The following INPP5F variants were observed in gnomAD, a reference collection of about 807,000 sequenced individuals.
INPP5F encodes the protein phosphatidylinositide 4-phosphatase SAC2.
A neutral mutation model predicts 137.2 loss-of-function variants in INPP5F; 97 were observed. The ratio of observed to expected loss-of-function variants is 0.71; its 90% CI spans 0.60 to 0.84. The LOEUF is 0.84. Ranked by LOEUF, INPP5F falls within the 40% of genes least tolerant of loss-of-function variation. The probability of loss-of-function intolerance (pLI) is 0.00; values close to 1 mark genes in which losing one functional copy is unlikely to be tolerated. For missense variants in INPP5F, 1,271 were observed against 1,371.9 expected (o/e 0.93, Z 1.16); for synonymous variants, 504 against 476.9 (o/e 1.06, Z -0.74).
At chr10:119,771,866 AT>A (rs1849354128) in intron 2 of INPP5F, among the ~76,000 whole-genome samples, 1 of 16,616 alleles carries the variant, frequency 6.0e-5, no homozygotes, top group Non-Finnish European at 1.1e-4. Context: ...ATATATATAT[AT>A]ATATATATAT....
intron 9 of INPP5F, chr10:119,799,384 G>GA (rs1589729293): frequency 7.8e-6 from 3 of 387,002 alleles, no homozygotes; most frequent in Non-Finnish European, 1.5e-5. Flanking sequence ...GGAAAAAAAA[G>GA]AAAAAAACTA....
chr10:119,823,754 A>G lies in INPP5F; in HGVS notation c.2162-61A>G, dbSNP rs1186614696. 1.4e-5 allele frequency: 18 copies of G among 1,281,524 alleles called. No individual in the cohort carries two copies. In the Admixed American group the frequency reaches 2.9e-4, roughly 21 times the overall value. 79.4% of individuals were successfully genotyped at this position (1,281,524 alleles called of 1,614,324 possible). The stretch of plus-strand genomic sequence containing the variant: ...TTCATTCAGCGCTAAATGGGTTAGA[A>G]CTGCTATTTTTTTTAGTATGTTTAT... On this transcript the variant is annotated intron_variant, in intron 18 of 19. Coordinates refer to ENST00000650623, the MANE Select transcript of INPP5F (RefSeq NM_014937.4).
At chr10:119,762,850 A>G (rs780056271) in intron 2 of INPP5F, among the ~76,000 whole-genome samples, 5 of 152,196 alleles carry the variant, frequency 3.3e-5, no homozygotes, top group African/African-American at 7.2e-5. Context: ...CCCTAAATGT[A>G]TGCTCTTCTC....
intron 2 of INPP5F, among the ~76,000 whole-genome samples, chr10:119,776,338 T>TA (rs530528554): frequency 2.4e-4 from 14 of 58,176 alleles, no homozygotes; most frequent in African/African-American, 8.7e-4. Context: ...TAGTTAACTC[T>TA]AAAAAAATGT....
At chr10:119,818,011 C>T (rs780480934) in intron 15 of INPP5F, among the ~76,000 whole-genome samples, 1 of 152,242 alleles carries the variant, frequency 6.6e-6, no homozygotes, top group Non-Finnish European at 1.5e-5. Flanking sequence ...GGAAGTAGGC[C>T]TGGCTGCGGG....
intron 2 of INPP5F, among the ~76,000 whole-genome samples, chr10:119,778,488 T>C (rs1849598823): frequency 6.6e-6 from 1 of 152,168 alleles, no homozygotes; most frequent in South Asian, 2.1e-4. Context: ...TAGACTATTT[T>C]TTGTTTAATT....
At chr10:119,802,484 A>T (rs1850627473) in intron 9 of INPP5F, among the ~76,000 whole-genome samples, 1 of 152,192 alleles carries the variant, frequency 6.6e-6, no homozygotes, top group African/African-American at 2.4e-5. Flanking sequence ...CACAATAAAA[A>T]ACTCAAGTCA....
At chr10:119,784,284 GA>G (rs1193873573) in intron 3 of INPP5F, among the ~76,000 whole-genome samples, 5 of 152,178 alleles carry the variant, frequency 3.3e-5, no homozygotes, top group Non-Finnish European at 5.9e-5. Context: ...ATATTCTACT[GA>G]GTTTTGGTGG....
At chr10:119,824,036 A>G (rs139711431) in intron 19 of INPP5F, 134 bp downstream of exon 19, 302 of 595,186 alleles carry the variant, frequency 5.1e-4, no homozygotes, top group African/African-American at 5.0e-3. Flanking sequence ...TAAGGATCAA[A>G]TTTCTGCAGA....
chr10:119,811,995 T>C (rs3781503), intron 15 of INPP5F, 40 bp downstream of exon 15: 692,200 of 1,516,746 alleles, frequency 0.46, 162,710 homozygotes, highest in South Asian at 0.67. Context: ...CTTGCTTAAC[T>C]GATGTTGGGA....
chr10:119,793,939 A>G (rs901720927), intron 6 of INPP5F, among the ~76,000 whole-genome samples: 1 of 152,354 alleles, frequency 6.6e-6, no homozygotes, highest in South Asian at 2.1e-4. Context: ...ATCCACTGCA[A>G]CTGACCAGAA....
chr10:119,792,073 G>A (rs1398137174), intron 5 of INPP5F, 37 bp downstream of exon 5: 23 of 1,614,026 alleles, frequency 1.4e-5, no homozygotes, highest in Non-Finnish European at 1.9e-5. Flanking sequence ...GTTTGCACTT[G>A]GGAAGAAGTG....
chr10:119,804,387 G>T, intron 10 of INPP5F, 90 bp downstream of exon 10: 2 of 1,105,214 alleles, frequency 1.8e-6, no homozygotes, highest in Non-Finnish European at 2.5e-6. Flanking sequence ...TCTTTGCTGG[G>T]AATAAAAATT....
chr10:119,791,889 G>GGAAAGTAAA lies in INPP5F; in HGVS notation c.467_468insAAGTAAAGA (p.Glu156_Lys157insSerLysGlu), dbSNP rs1293437675. 1.9e-6 allele frequency: 3 copies of GGAAAGTAAA among 1,608,356 alleles called. No homozygotes were observed. Among genetic ancestry groups the GGAAAGTAAA allele is most frequent in the Non-Finnish European group, 2.5e-6 (3 of 1,176,500 alleles). On this transcript the variant is annotated inframe_insertion, in exon 5 of 20. Coordinates refer to ENST00000650623, the MANE Select transcript of INPP5F (RefSeq NM_014937.4). ...TATAGGTTAAGGAAAGTAAAGAGAA[G>GGAAAGTAAA]GAGAAGTTGGAGAGGAGATTACTTG...
intron 1 of INPP5F, among the ~76,000 whole-genome samples, chr10:119,729,744 A>ATTT (rs34359657): frequency 3.9e-5 from 5 of 128,230 alleles, no homozygotes; most frequent in South Asian, 2.5e-4. Flanking sequence ...CACCTGGCTA[A>ATTT]TTTTTTTTTT....
chr10:119,793,671 C>G (rs779031050), intron 6 of INPP5F: 1 of 152,140 alleles, frequency 6.6e-6, no homozygotes. Context: ...TTTTTTGACA[C>G]AGTATCTCTC....
Position 119,828,882 on chromosome 10 carries a change from T to A in INPP5F, c.*1102T>A, listed in dbSNP as rs1851879824. ...TAGTCTGAAACACAATTGTGCTGAATCTGTCTGACTATAACTCTGACCACA... is the reference window on the plus strand; with the variant it reads ...TAGTCTGAAACACAATTGTGCTGAAACTGTCTGACTATAACTCTGACCACA... On this transcript the variant is annotated 3_prime_UTR_variant, in exon 20 of 20. Coordinates refer to ENST00000650623, the MANE Select transcript of INPP5F (RefSeq NM_014937.4). The A allele has an allele frequency of 6.6e-6, 1 of 152,448 alleles. No individual in the cohort carries two copies. Among genetic ancestry groups the A allele is most frequent in the Admixed American group, 6.6e-5 (1 of 15,258 alleles). 9.4% of individuals were successfully genotyped at this position (152,448 alleles called of 1,614,324 possible). A position where few individuals can be genotyped will look rare whatever the true frequency, so the allele number is the denominator to read the frequency against.
chr10:119,776,102 G>T (rs142787385), intron 2 of INPP5F, among the ~76,000 whole-genome samples: 36 of 152,280 alleles, frequency 2.4e-4, no homozygotes, highest in African/African-American at 7.9e-4. Flanking sequence ...ATGCTTTGAA[G>T]TATACAAGAA....
chr10:119,795,522 C>T (rs1314115165), intron 6 of INPP5F, among the ~76,000 whole-genome samples: 3 of 151,472 alleles, frequency 2.0e-5, no homozygotes, highest in African/African-American at 4.9e-5. Flanking sequence ...GATGTGATGG[C>T]GGCTGGGAAG....
Sources: gnomAD v4.1 joint callset for allele counts (sites outside exome capture counted in the v4.1 genomes callset) on GRCh38, gnomAD v4.1.1 for gene constraint, MANE v1.5 for transcripts, NCBI Gene and HGNC (gene_info 2026-07-23, HGNC 2026-07-21) for gene names.